Variants in FRAS1 observed in about 807,000 individuals in gnomAD.
The protein encoded by FRAS1 is extracellular matrix organizing protein FRAS1.
A neutral mutation model predicts 435.2 loss-of-function variants in FRAS1; 290 were observed. The ratio of observed to expected loss-of-function variants is 0.67; its 90% CI spans 0.61 to 0.73. FRAS1 has a LOEUF of 0.73. FRAS1 is among the 30% of genes least tolerant of loss of function. FRAS1 has a pLI of 0.00. For synonymous variants in FRAS1, 1,800 were observed against 1,851.0 expected, an observed-to-expected ratio of 0.97 and a Z score of 0.71; for missense variants, 4,860 against 5,001.5, an observed-to-expected ratio of 0.97 and a Z score of 0.85.
At chr4:78,112,092 C>T (rs1307137637) in intron 2 of FRAS1, among the ~76,000 whole-genome samples, 4 of 151,998 alleles carry the variant, frequency 2.6e-5, no homozygotes, top group Non-Finnish European at 5.9e-5. Flanking sequence ...GAATGTGTTG[C>T]CCTTTTTTTC....
intron 50 of FRAS1, among the ~76,000 whole-genome samples, chr4:78,467,501 C>G (rs565813082): frequency 6.8e-4 from 103 of 152,248 alleles, no homozygotes; most frequent in African/African-American, 2.3e-3. Context: ...GCTTCCAAAT[C>G]TTGGCTATTG....
chr4:78,357,620 G>C (rs929634924), intron 20 of FRAS1, among the ~76,000 whole-genome samples: 3 of 152,046 alleles, frequency 2.0e-5, no homozygotes, highest in Non-Finnish European at 1.5e-5. Flanking sequence ...GAACTTTTTC[G>C]GCCGGGTGAG....
intron 10 of FRAS1, among the ~76,000 whole-genome samples, chr4:78,279,227 T>C (rs1727205728): frequency 1.3e-5 from 2 of 152,176 alleles, no homozygotes; most frequent in South Asian, 4.1e-4. Context: ...GACGCAAGTG[T>C]GTTTGGCACG....
intron 2 of FRAS1, among the ~76,000 whole-genome samples, chr4:78,084,456 G>T (rs182144917): frequency 6.6e-6 from 1 of 152,044 alleles, no homozygotes; most frequent in African/African-American, 2.4e-5. Flanking sequence ...ACTACAGGGC[G>T]TCTTGTAATA....
chr4:78,536,559 T>G (rs1207656114), intron 71 of FRAS1, among the ~76,000 whole-genome samples: 1 of 152,132 alleles, frequency 6.6e-6, no homozygotes, highest in Non-Finnish European at 1.5e-5. Context: ...ATCTGCAAAA[T>G]TGTGAGCACT....
intron 23 of FRAS1, among the ~76,000 whole-genome samples, chr4:78,371,711 A>C (rs1731517740): frequency 6.6e-6 from 1 of 152,182 alleles, no homozygotes; most frequent in South Asian, 2.1e-4. Flanking sequence ...TAACTGTGCT[A>C]TCCCATCCCA....
chr4:78,183,853 AAAAT>A (rs35177124), intron 2 of FRAS1, among the ~76,000 whole-genome samples: 145,410 of 151,386 alleles, frequency 0.96, 70,103 homozygotes, highest in East Asian at 1. Context: ...TGAAAAGTTC[AAAAT>A]AAATAACAAC....
chr4:78,277,093 T>C (rs1017511196), intron 9 of FRAS1, among the ~76,000 whole-genome samples: 5 of 152,206 alleles, frequency 3.3e-5, no homozygotes, highest in African/African-American at 1.2e-4. Context: ...TGAGGCTCCG[T>C]GAGCATGGGA....
chr4:78,506,253 C>T (rs751000525), intron 61 of FRAS1, among the ~76,000 whole-genome samples: 1 of 152,198 alleles, frequency 6.6e-6, no homozygotes, highest in Non-Finnish European at 1.5e-5. Context: ...AGCTCAAATG[C>T]CATGCTGGGA....
intron 2 of FRAS1, among the ~76,000 whole-genome samples, chr4:78,126,578 G>T (rs1009309178): frequency 6.6e-6 from 1 of 152,182 alleles, no homozygotes; most frequent in African/African-American, 2.4e-5. Context: ...TAAGTGTATG[G>T]TACAGGAAAT....
chr4:78,315,807 T>A, intron 16 of FRAS1, 73 bp downstream of exon 16: 1 of 1,546,072 alleles, frequency 6.5e-7, no homozygotes, highest in African/African-American at 1.4e-5. Flanking sequence ...GTGTTATATG[T>A]TGCTAATTTG....
chr4:78,363,415 G>A (rs1170766384), intron 20 of FRAS1, 98 bp from the exon 21 acceptor site: 2 of 1,216,092 alleles, frequency 1.6e-6, no homozygotes, highest in African/African-American at 3.0e-5. Context: ...GTCAGCTGCA[G>A]TGTTTGTAAT....
At chr4:78,344,766 T>C (rs901835802) in intron 20 of FRAS1, among the ~76,000 whole-genome samples, 8 of 152,300 alleles carry the variant, frequency 5.3e-5, no homozygotes, top group East Asian at 3.9e-4. Context: ...CACATGTACA[T>C]GCGTTTCCAT....
At chr4:78,443,630 C>T (rs567093115) in intron 41 of FRAS1, among the ~76,000 whole-genome samples, 9 of 152,268 alleles carry the variant, frequency 5.9e-5, no homozygotes, top group Non-Finnish European at 1.0e-4. Flanking sequence ...CGCATCAACA[C>T]CTATTTAATT....
chr4:78,421,993 G>T lies in FRAS1; in HGVS notation c.4671G>T (p.Ser1557=). 6.2e-7 allele frequency: 1 copy of T among 1,609,818 alleles called. No individual in the cohort carries two copies. Among genetic ancestry groups the T allele is most frequent in the Non-Finnish European group, 8.5e-7 (1 of 1,177,772 alleles). ...ACCTCCAGGAGCTCATGGCCTTCTC[G>T]TTCGCTGGTAATGCTCTCCTCTCTG... ...APHLQELMAF[S]FAGLPESVKF... is the part of the protein sequence containing the mutation. The change falls in exon 34 of 74, where the codon TCG becomes TCT. Residue 1557 remains serine (S), a synonymous_variant. Transcript: ENST00000512123.
At chr4:78,484,228 C>A (rs914568461) in intron 58 of FRAS1, among the ~76,000 whole-genome samples, 3 of 152,138 alleles carry the variant, frequency 2.0e-5, no homozygotes, top group Non-Finnish European at 4.4e-5. Flanking sequence ...GTGAGTAGTT[C>A]ATTCCATTTA....
In FRAS1 at chr4:78,333,540, A is replaced by G; in HGVS notation, c.2278+128A>G. 5 of 964,098 alleles carry G rather than the reference A, an allele frequency of 5.2e-6. No individual in the cohort carries two copies. In the South Asian group the frequency reaches 8.7e-5, roughly 17 times the overall value. The allele number at this position is 964,098 out of a possible 1,614,324, so 59.7% of individuals were successfully genotyped here. Reference sequence around the variant, plus strand: ...ATTCAGCTGTAAATCCTTGTCTTGAACTTGCAGATTCAAAGTATAGAGGGA... The same window carrying G: ...ATTCAGCTGTAAATCCTTGTCTTGAGCTTGCAGATTCAAAGTATAGAGGGA... On this transcript the variant is annotated intron_variant, in intron 19 of 73. Coordinates refer to ENST00000512123, the MANE Select transcript of FRAS1 (RefSeq NM_025074.7).
At chr4:78,377,338 T>C (rs1222988302) in intron 26 of FRAS1, among the ~76,000 whole-genome samples, 1 of 152,228 alleles carries the variant, frequency 6.6e-6, no homozygotes, top group African/African-American at 2.4e-5. Flanking sequence ...CCCTAAGTAC[T>C]TGAGAGCCAG....
At chr4:78,510,514 G>A (rs1351443465) in intron 63 of FRAS1, among the ~76,000 whole-genome samples, 1 of 152,166 alleles carries the variant, frequency 6.6e-6, no homozygotes, top group Non-Finnish European at 1.5e-5. Flanking sequence ...TGGGTAAAAT[G>A]TATAAGTTTG....
Sources: allele counts gnomAD v4.1 joint callset (sites outside exome capture counted in the v4.1 genomes callset), GRCh38; gene constraint gnomAD v4.1.1; transcripts MANE v1.5; gene names NCBI Gene and HGNC (gene_info 2026-07-23, HGNC 2026-07-21).